UBN2: variants seen among roughly 807,000 people sequenced by gnomAD.
The protein encoded by UBN2 is ubinuclein-2.
In UBN2, 35 loss-of-function variants were observed where a neutral mutation model predicts 120.2. The ratio of observed to expected loss-of-function variants is 0.29; its 90% CI spans 0.22 to 0.39. The LOEUF is 0.39. Among genes scored for constraint, UBN2 ranks in the 10% least tolerant of loss-of-function variants. UBN2 has a pLI of 1.00. For missense variants in UBN2, 1,693 were observed against 1,663.2 expected (o/e 1.02, Z -0.31); for synonymous variants, 661 against 648.7 (o/e 1.02, Z -0.29).
Position 139,289,622 on chromosome 7 carries a change from G to T in UBN2, c.3670-3610G>T, listed in dbSNP as rs139916862. ...AGACGGTGTTTCACCATGTTGGCCA[G>T]GCTGGTCTTGAACCCCTGGCCTCAG... is the stretch of plus-strand genomic sequence containing the variant. On this transcript the variant is annotated intron_variant, in intron 15 of 17. Coordinates refer to ENST00000473989, the MANE Select transcript of UBN2 (RefSeq NM_173569.4). 9.2e-3 allele frequency among the ~76,000 whole-genome samples: 1,394 copies of T among 152,030 alleles called. 23 individuals are homozygous for T. The highest frequency in any genetic ancestry group is 0.032 in the African/African-American group (1,323 of 41,440).
intron 5 of UBN2, among the ~76,000 whole-genome samples, chr7:139,260,988 G>C (rs1218262064): frequency 6.6e-6 from 1 of 152,154 alleles, no homozygotes; most frequent in Non-Finnish European, 1.5e-5. Context: ...ATTTAGAAAA[G>C]ATTTCTAGGA....
At chr7:139,317,664 G>GT in the UBN2 span, among the ~76,000 whole-genome samples, 7 of 149,916 alleles carry the variant, frequency 4.7e-5, no homozygotes, top group Admixed American at 1.3e-4. Flanking sequence ...TGTTGTTTTG[G>GT]TTTTTTTTTC....
intron 11 of UBN2, 53 bp from the exon 12 acceptor site, chr7:139,276,044 T>C: frequency 7.2e-7 from 1 of 1,389,240 alleles, no homozygotes; most frequent in Non-Finnish European, 1.0e-6. Context: ...AAAACAATTA[T>C]GTTACTATCT....
At chr7:139,244,893 G>A (rs1267540170) in intron 2 of UBN2, among the ~76,000 whole-genome samples, 1 of 151,824 alleles carries the variant, frequency 6.6e-6, no homozygotes, top group Non-Finnish European at 1.5e-5. Flanking sequence ...AACTCTTCTT[G>A]TTACCTTCTA....
intron 11 of UBN2, 55 bp downstream of exon 11, chr7:139,274,129 A>G (rs1797370151): frequency 3.1e-5 from 47 of 1,495,966 alleles, no homozygotes; most frequent in Non-Finnish European, 3.9e-5. Context: ...TGCTGTTATT[A>G]AAGATATACA....
intron 15 of UBN2, among the ~76,000 whole-genome samples, chr7:139,289,447 C>G (rs915157075): frequency 2.7e-4 from 34 of 127,802 alleles, no homozygotes; most frequent in African/African-American, 1.0e-3. Flanking sequence ...GGGTCTCACT[C>G]TGTTGCCCAG....
intron 8 of UBN2, among the ~76,000 whole-genome samples, chr7:139,271,888 G>C (rs941503675): frequency 2.6e-5 from 4 of 152,146 alleles, no homozygotes; most frequent in Non-Finnish European, 5.9e-5. Context: ...CGTCCGGTTG[G>C]TAGTCACCCA....
At chr7:139,263,292 T>G (rs1796992706) in intron 6 of UBN2, among the ~76,000 whole-genome samples, 1 of 152,238 alleles carries the variant, frequency 6.6e-6, no homozygotes, top group South Asian at 2.1e-4. Context: ...TTTAATTGCC[T>G]ACTTTATGCC....
intron 6 of UBN2, among the ~76,000 whole-genome samples, chr7:139,263,358 CAA>C (rs1308978882): frequency 6.6e-6 from 1 of 152,118 alleles, no homozygotes; most frequent in Non-Finnish European, 1.5e-5. Flanking sequence ...GCCCTACCCT[CAA>C]GGAGCTTATT....
rs371717591 is a variant in UBN2 at position 139,240,454 on chromosome 7, A to ATATTT, written c.561+3358_561+3359insATTTT. ...AATATATATATATATATATATATAT[A>ATATTT]TTTTTTTTTTTAAATAATTATTTGG... On this transcript the variant is annotated intron_variant, in intron 2 of 17. Coordinates refer to ENST00000473989, the MANE Select transcript of UBN2 (RefSeq NM_173569.4). 8.1e-3 allele frequency among the ~76,000 whole-genome samples: 1,000 copies of ATATTT among 123,058 alleles called. 8 individuals carry two copies. Among genetic ancestry groups the ATATTT allele is most frequent in the Non-Finnish European group, 0.011 (651 of 61,574 alleles). 80.7% of individuals were successfully genotyped at this position (123,058 alleles called of 152,430 possible).
At chr7:139,262,833 G>C (rs1796980811) in intron 6 of UBN2, among the ~76,000 whole-genome samples, 1 of 152,016 alleles carries the variant, frequency 6.6e-6, no homozygotes, top group Non-Finnish European at 1.5e-5. Context: ...GGTGGCATAG[G>C]TTTTTTTGTT....
chr7:139,274,192 A>C (rs1797374877), intron 11 of UBN2, 118 bp downstream of exon 11: 1 of 1,036,804 alleles, frequency 9.6e-7, no homozygotes, highest in South Asian at 2.2e-5. Flanking sequence ...TATATTCAGC[A>C]TGCTGTCTAG....
In UBN2 at chr7:139,297,824, G is replaced by C; in HGVS notation, c.4032G>C (p.Arg1344=). Residue 1344 remains arginine (R), a synonymous_variant, in exon 18 of 18, where the codon CGG becomes CGC. Transcript: ENST00000473989. ...GQSKGDTKLP[R]KSQ ...GTAAAGGGGACACTAAATTACCACG[G>C]AAATCTCAGTGACTGCCCAGCAAGC... The C allele has an allele frequency of 6.2e-7, 1 of 1,614,098 alleles. No homozygotes were observed. The highest frequency in any genetic ancestry group is 8.5e-7 in the Non-Finnish European group (1 of 1,180,014).
chr7:139,311,228 C>T (rs1290374853), downstream of UBN2, among the ~76,000 whole-genome samples: 1 of 152,224 alleles, frequency 6.6e-6, no homozygotes, highest in Non-Finnish European at 1.5e-5. Context: ...ATGACAGTCT[C>T]TTCTCAGGCA....
downstream of UBN2, among the ~76,000 whole-genome samples, chr7:139,312,655 C>T (rs1798464173): frequency 6.6e-6 from 1 of 152,188 alleles, no homozygotes; most frequent in South Asian, 2.1e-4. Context: ...TGAACGAAAT[C>T]CTTTTTAATT....
chr7:139,292,770 A>T (rs910153700), intron 15 of UBN2, among the ~76,000 whole-genome samples: 1 of 152,168 alleles, frequency 6.6e-6, no homozygotes, highest in African/African-American at 2.4e-5. Flanking sequence ...GGAGAAGGGC[A>T]GGTGAGGCTC....
chr7:139,289,000 CAAAAAAA>C (rs200360523), intron 15 of UBN2, among the ~76,000 whole-genome samples: 2 of 66,714 alleles, frequency 3.0e-5, no homozygotes, highest in Middle Eastern at 0.011. Context: ...GACGCCATCT[CAAAAAAA>C]AAAAAAAAAA....
intron 5 of UBN2, 89 bp downstream of exon 5, chr7:139,259,459 A>C (rs1000453842): frequency 1.1e-5 from 16 of 1,519,190 alleles, no homozygotes; most frequent in Non-Finnish European, 1.3e-5. Flanking sequence ...TAACTAATTC[A>C]ACCTAGCTGA....
chr7:139,329,356 G>A, the UBN2 span, among the ~76,000 whole-genome samples: 2 of 151,532 alleles, frequency 1.3e-5, no homozygotes, highest in Non-Finnish European at 2.9e-5. Context: ...TATCTGCTGA[G>A]ACAGCAGTTC....
Sources: gnomAD v4.1 joint callset for allele counts (sites outside exome capture counted in the v4.1 genomes callset) on GRCh38, gnomAD v4.1.1 for gene constraint, MANE v1.5 for transcripts, NCBI Gene and HGNC (gene_info 2026-07-23, HGNC 2026-07-21) for gene names.